SLC24A3: variants seen among roughly 807,000 people sequenced by gnomAD.
SLC24A3 encodes the protein solute carrier family 24 member 3, also known as sodium/potassium/calcium exchanger 3.
A neutral mutation model predicts 75.8 loss-of-function variants in SLC24A3; 28 were observed. The ratio of observed to expected loss-of-function variants is 0.37; its 90% CI spans 0.27 to 0.51. The LOEUF (loss-of-function observed/expected upper bound fraction) is 0.51. Ranked by LOEUF, SLC24A3 falls within the 20% of genes least tolerant of loss-of-function variation. The pLI, the probability that SLC24A3 is intolerant of heterozygous loss-of-function variation, is 0.94. For synonymous variants in SLC24A3, 372 were observed against 334.1 expected (o/e 1.11, Z -1.24); for missense variants, 663 against 847.8 (o/e 0.78, Z 2.71).
intron 3 of SLC24A3, among the ~76,000 whole-genome samples, chr20:19,523,936 T>C (rs619256): frequency 0.12 from 18,342 of 152,136 alleles, 1,265 homozygotes; most frequent in East Asian, 0.3. Context: ...CACATCCTAT[T>C]CTACCTGAAT....
intron 3 of SLC24A3, among the ~76,000 whole-genome samples, chr20:19,577,814 T>C (rs927220282): frequency 5.9e-5 from 9 of 152,252 alleles, no homozygotes; most frequent in Non-Finnish European, 2.9e-5. Context: ...AAGGGCGTCT[T>C]ATTGAATGAT....
intron 2 of SLC24A3, among the ~76,000 whole-genome samples, chr20:19,374,338 A>G (rs1414945602): frequency 1.3e-5 from 2 of 152,146 alleles, no homozygotes; most frequent in Admixed American, 1.3e-4. Context: ...TAAAATGACA[A>G]ATGTTTTCCC....
chr20:19,213,145 GC>G, intron 1 of SLC24A3, 161 bp downstream of exon 1: 1 of 786,558 alleles, frequency 1.3e-6, no homozygotes, highest in Non-Finnish European at 1.7e-6. Flanking sequence ...GACTCCCCCT[GC>G]CCCACGCAGA....
chr20:19,413,942 A>T (rs1568611774), intron 2 of SLC24A3, among the ~76,000 whole-genome samples: 1 of 152,216 alleles, frequency 6.6e-6, no homozygotes, highest in South Asian at 2.1e-4. Flanking sequence ...TAATATTCCT[A>T]ATATATAAAG....
At chr20:19,536,880 A>G (rs1568648567) in intron 3 of SLC24A3, among the ~76,000 whole-genome samples, 1 of 152,180 alleles carries the variant, frequency 6.6e-6, no homozygotes, top group Admixed American at 6.5e-5. Context: ...TTAATTCAAG[A>G]TGGATTAAAG....
chr20:19,451,310 A>G (rs1987476623), intron 2 of SLC24A3, among the ~76,000 whole-genome samples: 1 of 152,140 alleles, frequency 6.6e-6, no homozygotes, highest in East Asian at 1.9e-4. Flanking sequence ...CATCCTACAC[A>G]ACTGTGTATG....
intron 1 of SLC24A3, among the ~76,000 whole-genome samples, chr20:19,277,780 AATTGGT>A (rs1431303852): frequency 6.6e-6 from 1 of 152,152 alleles, no homozygotes. Flanking sequence ...TACATCTCTT[AATTGGT>A]ATCAGCTTTT....
rs1464127762 is a variant in SLC24A3 at position 19,638,100 on chromosome 20, TATG to T, written c.613-15958_613-15956del. On this transcript the variant is annotated intron_variant, in intron 6 of 16. Coordinates refer to ENST00000328041, the MANE Select transcript of SLC24A3 (RefSeq NM_020689.4). Reference sequence around the variant, plus strand: ...CCCCACCCCTCTACAGACCCCAGTATATGATGTTCCCCTCCCTGTGTCCATGTG... The same window carrying T: ...CCCCACCCCTCTACAGACCCCAGTATATGTTCCCCTCCCTGTGTCCATGTG... Among the ~76,000 whole-genome samples, 4 of 151,778 alleles carry T rather than the reference TATG, an allele frequency of 2.6e-5. No individual in the cohort carries two copies. The South Asian group carries it at 8.3e-4, about 32-fold the overall frequency.
At chr20:19,302,925 G>C (rs2122248289) in intron 2 of SLC24A3, among the ~76,000 whole-genome samples, 1 of 152,002 alleles carries the variant, frequency 6.6e-6, no homozygotes, top group African/African-American at 2.4e-5. Flanking sequence ...AGGAAACTTA[G>C]AGTCATCAGT....
intron 2 of SLC24A3, among the ~76,000 whole-genome samples, chr20:19,361,366 G>A (rs1169033801): frequency 6.6e-6 from 1 of 152,172 alleles, no homozygotes; most frequent in Non-Finnish European, 1.5e-5. Flanking sequence ...CATCCAGATA[G>A]TTGCAGATAA....
chr20:19,675,528 G>A (rs966173555), intron 9 of SLC24A3, among the ~76,000 whole-genome samples: 1 of 152,208 alleles, frequency 6.6e-6, no homozygotes, highest in African/African-American at 2.4e-5. Flanking sequence ...TAGGCAATCT[G>A]CTGCCAGTCT....
intron 2 of SLC24A3, among the ~76,000 whole-genome samples, chr20:19,500,730 C>T (rs191529624): frequency 6.6e-6 from 1 of 152,316 alleles, no homozygotes; most frequent in African/African-American, 2.4e-5. Flanking sequence ...ACTGCATGAA[C>T]TCAAACATCG....
chr20:19,466,091 A>G (rs1987761070), intron 2 of SLC24A3, among the ~76,000 whole-genome samples: 1 of 152,216 alleles, frequency 6.6e-6, no homozygotes. Context: ...ATAAAATTCT[A>G]TAGTGTGTTT....
At chr20:19,450,604 C>A (rs1033752176) in intron 2 of SLC24A3, among the ~76,000 whole-genome samples, 2 of 152,210 alleles carry the variant, frequency 1.3e-5, no homozygotes, top group African/African-American at 4.8e-5. Flanking sequence ...ACATCACCAG[C>A]TCATAGAGTG....
intron 2 of SLC24A3, among the ~76,000 whole-genome samples, chr20:19,311,900 C>T (rs970913954): frequency 7.9e-5 from 12 of 152,058 alleles, no homozygotes; most frequent in African/African-American, 1.7e-4. Context: ...ACATGGCTGC[C>T]GGTGCTGTGT....
intron 2 of SLC24A3, among the ~76,000 whole-genome samples, chr20:19,352,122 C>T (rs949292922): frequency 1.5e-5 from 2 of 133,240 alleles, no homozygotes; most frequent in African/African-American, 2.8e-5. Context: ...GAACCATTGT[C>T]GGTGGGAGGG....
At position 19,262,129 on chromosome 20, in the gene SLC24A3, C is replaced by T. The variant is rs565775933; in HGVS notation, c.143-18830C>T. Among the ~76,000 whole-genome samples the T allele has an allele frequency of 7.8e-4, 119 of 152,246 alleles. 2 individuals carry two copies. The highest frequency in any genetic ancestry group is 2.6e-3 in the African/African-American group (108 of 41,554). ...TACACAGAAAGAGAGAGAGGCCGGG[C>T]GCGGTGGCTCACGCCTGTAATCCCA... is the stretch of plus-strand genomic sequence containing the variant. On this transcript the variant is annotated intron_variant, in intron 1 of 16. Coordinates refer to ENST00000328041, the MANE Select transcript of SLC24A3 (RefSeq NM_020689.4).
At position 19,313,028 on chromosome 20, in the gene SLC24A3, C is replaced by CTTTTTTTTTT. The variant is rs747623530; in HGVS notation, c.271+31958_271+31967dup. The stretch of plus-strand genomic sequence containing the variant: ...TTCAAGTATTCTTCCTTTTCTCTTG[C>CTTTTTTTTTT]TTTTTTTTTTTTTTTTTTTTTTTTT... On this transcript the variant is annotated intron_variant, in intron 2 of 16. Coordinates refer to ENST00000328041, the MANE Select transcript of SLC24A3 (RefSeq NM_020689.4). Among the ~76,000 whole-genome samples the CTTTTTTTTTT allele has an allele frequency of 1.0e-4, 7 of 68,322 alleles. 2 individuals are homozygous for CTTTTTTTTTT. Among genetic ancestry groups the CTTTTTTTTTT allele is most frequent in the Non-Finnish European group, 1.6e-4 (6 of 37,564 alleles). 44.8% of individuals were successfully genotyped at this position (68,322 alleles called of 152,430 possible).
chr20:19,705,603 C>G (rs1477235697), intron 15 of SLC24A3, among the ~76,000 whole-genome samples: 1 of 152,164 alleles, frequency 6.6e-6, no homozygotes, highest in Non-Finnish European at 1.5e-5. Context: ...ATGGTAGTGA[C>G]CGCATGACAT....
Sources: allele counts gnomAD v4.1 joint callset (sites outside exome capture counted in the v4.1 genomes callset), GRCh38; gene constraint gnomAD v4.1.1; transcripts MANE v1.5; gene names NCBI Gene and HGNC (gene_info 2026-07-23, HGNC 2026-07-21).